Variants in TRIM15 observed in about 807,000 individuals in gnomAD.
TRIM15 encodes tripartite motif containing 15.
TRIM15 carries 35 observed loss-of-function variants against 35.8 expected under a neutral mutation model. The ratio of observed to expected loss-of-function variants is 0.98; its 90% CI spans 0.75 to 1.30. TRIM15 has a LOEUF of 1.30. TRIM15 is among the 50% of genes most tolerant of loss of function. The pLI, the probability that TRIM15 is intolerant of heterozygous loss-of-function variation, is 0.00. For missense variants in TRIM15, 590 were observed against 593.5 expected (o/e 0.99, Z 0.06); for synonymous variants, 252 against 249.8 (o/e 1.01, Z -0.08).
intron 4 of TRIM15, chr6:30,169,532 C>T: frequency 1.5e-6 from 1 of 689,372 alleles, no homozygotes; most frequent in South Asian, 1.5e-5. Flanking sequence ...TAGGTTGATC[C>T]AGGAACATTT....
rs2127458617 is a variant in TRIM15, at chr6:30,168,549, C to T, written c.708+19C>T. On this transcript the variant is annotated intron_variant, in intron 3 of 6. Transcript: ENST00000376694. ...TCTACAAGTGAGAGACACTTCACCA[C>T]TTTGTAGGATAAGAGAGGGACTCCA... The T allele has an allele frequency of 1.3e-6, 2 of 1,562,332 alleles. No homozygotes were observed. Among genetic ancestry groups the T allele is most frequent in the Non-Finnish European group, 8.7e-7 (1 of 1,151,534 alleles).
intron 1 of TRIM15, among the ~76,000 whole-genome samples, chr6:30,164,686 A>G (rs900263302): frequency 6.6e-6 from 1 of 152,150 alleles, no homozygotes; most frequent in Non-Finnish European, 1.5e-5. Flanking sequence ...GGTTCTCCCT[A>G]TCTCTTGCGC....
intron 1 of TRIM15, 61 bp downstream of exon 1, chr6:30,164,126 G>A: frequency 6.5e-7 from 1 of 1,545,200 alleles, no homozygotes; most frequent in Non-Finnish European, 8.7e-7. Context: ...GTTATGAGGG[G>A]AGGAAATCGG....
intron 1 of TRIM15, 134 bp downstream of exon 1, chr6:30,164,199 C>G: frequency 7.7e-7 from 1 of 1,296,648 alleles, no homozygotes; most frequent in Non-Finnish European, 1.0e-6. Context: ...ACTTTCGAGG[C>G]ATTCCCAGAC....
rs1773357625 is a variant in TRIM15 at position 30,163,815 on chromosome 6, C to G, written c.131C>G (p.Ser44Cys). Residue 44 changes from serine (S) to cysteine (C), a missense_variant, in exon 1 of 7, where the codon TCC becomes TGC. By Grantham distance (112) the Ser-to-Cys change is moderately radical. Coordinates refer to ENST00000376694, the MANE Select transcript of TRIM15 (RefSeq NM_033229.3). ...TFCRLCLPAL[S>C]QMGAQSSGKI... ...TGCCGGCTCTGCCTCCCCGCGCTCT[C>G]CCAGATGGGGGCCCAATCCTCGGGC... 6.2e-7 allele frequency: 1 copy of G among 1,612,946 alleles called. No homozygotes were observed. The highest frequency in any genetic ancestry group is 1.7e-5 in the Admixed American group (1 of 60,010).
chr6:30,168,467 G>A lies in TRIM15; in HGVS notation c.645G>A (p.Arg215=). The A allele has an allele frequency of 6.2e-7, 1 of 1,611,448 alleles. No homozygotes were observed. Among genetic ancestry groups the A allele is most frequent in the Non-Finnish European group, 8.5e-7 (1 of 1,179,220 alleles). ...YITKVSEEVT[R]LGAQVKELEE... is the part of the protein sequence containing the mutation. ...CAAAGGTCTCTGAGGAAGTCACCCG[G>A]CTTGGAGCCCAGGTCAAGGAGCTGG... Residue 215 remains arginine, a synonymous_variant, in exon 3 of 7, where the codon CGG becomes CGA. Transcript: ENST00000376694.
chr6:30,168,562 G>A, intron 3 of TRIM15, 32 bp downstream of exon 3: 1 of 1,547,856 alleles, frequency 6.5e-7, no homozygotes, highest in Non-Finnish European at 8.8e-7. Flanking sequence ...TGTAGGATAA[G>A]AGAGGGACTC....
intron 2 of TRIM15, among the ~76,000 whole-genome samples, 172 bp downstream of exon 2, chr6:30,167,443 A>C (rs1389355661): frequency 6.6e-6 from 1 of 152,248 alleles, no homozygotes; most frequent in East Asian, 1.9e-4. Flanking sequence ...GAGCACTAGA[A>C]GTGGTTCTGA....
chr6:30,171,244 A>T (rs41272599), intron 6 of TRIM15: 6,322 of 482,714 alleles, frequency 0.013, 69 homozygotes, highest in Admixed American at 0.028. Flanking sequence ...TGTGAGGACA[A>T]AATAAATTAA....
At chr6:30,168,243 T>A in intron 2 of TRIM15, 57 bp from the exon 3 acceptor site, 1 of 1,462,722 alleles carries the variant, frequency 6.8e-7, no homozygotes, top group Non-Finnish European at 9.4e-7. Context: ...TAGATGATCA[T>A]CCTGGAAGCT....
At position 30,163,912 on chromosome 6, in the gene TRIM15, C is replaced by A. The variant is rs1252502140; in HGVS notation, c.228C>A (p.Gly76=). The stretch of plus-strand genomic sequence containing the variant: ...CTCCCATGGCCCCTGTGCCCCTGGG[C>A]CCGCTGGGAGAAACTTACTGCGAGG... ...AETPMAPVPL[G]PLGETYCEEH... The change falls in exon 1 of 7, where the codon GGC becomes GGA. Residue 76 remains glycine, a synonymous_variant. Transcript: ENST00000376694. 22 of 1,613,076 alleles carry A rather than the reference C, an allele frequency of 1.4e-5. No individual in the cohort carries two copies. Among genetic ancestry groups the A allele is most frequent in the Non-Finnish European group, 1.9e-5 (22 of 1,180,034 alleles).
rs776412651 is a variant in TRIM15 at position 30,167,226 on chromosome 6, T to G, written c.432T>G (p.Ile144Met). The G allele has an allele frequency of 1.9e-6, 3 of 1,613,060 alleles. No homozygotes were observed. In the South Asian group the frequency reaches 3.3e-5, roughly 18 times the overall value. Residue 144 changes from isoleucine (I) to methionine (M), a missense_variant, in exon 2 of 7, where the codon ATT becomes ATG. Ile to Met is a conservative substitution (Grantham distance 10, BLOSUM62 1). Transcript: ENST00000376694. ...LEALSTERDE[I>M]EDVKCQEDQK... is the part of the protein sequence containing the mutation. ...CTCTGAGCACGGAGAGAGATGAGAT[T>G]GAGGATGTAAAGTGTCAAGAAGACC... is the stretch of plus-strand genomic sequence containing the variant.
Position 30,163,554 on chromosome 6 carries a change from T to TCTCTCTCTCTGTCTCTC in TRIM15, c.-131_-130insCTCTCTCTCTGTCTCTC, listed in dbSNP as rs1562136650. On this transcript the variant is annotated 5_prime_UTR_variant, in exon 1 of 7. Coordinates refer to ENST00000376694, the MANE Select transcript of TRIM15 (RefSeq NM_033229.3). ...CTGGCATTCTTGCCTCTCTCTCTCT[T>TCTCTCTCTCTGTCTCTC]TCTCTCTCTCTGTCTCTTAGCCTTG... The TCTCTCTCTCTGTCTCTC allele has an allele frequency of 3.1e-5, 35 of 1,136,714 alleles. No individual in the cohort carries two copies. The highest frequency in any genetic ancestry group is 3.9e-5 in the Non-Finnish European group (33 of 850,312). The allele number at this position is 1,136,714 out of a possible 1,614,324, so 70.4% of individuals were successfully genotyped here.
intron 3 of TRIM15, 145 bp downstream of exon 3, chr6:30,168,675 C>T: frequency 1.3e-6 from 1 of 770,824 alleles, no homozygotes; most frequent in Non-Finnish European, 2.2e-6. Flanking sequence ...TGGAGACTTG[C>T]CCAAGTCATA....
chr6:30,165,994 T>G (rs1255499854), intron 1 of TRIM15, among the ~76,000 whole-genome samples: 1 of 152,236 alleles, frequency 6.6e-6, no homozygotes, highest in East Asian at 1.9e-4. Flanking sequence ...TTGTAGATTT[T>G]GGATATTAGC....
intron 3 of TRIM15, 22 bp from the exon 4 acceptor site, chr6:30,169,219 T>G: frequency 6.2e-7 from 1 of 1,613,210 alleles, no homozygotes; most frequent in Non-Finnish European, 8.5e-7. Context: ...ACTAAATGTA[T>G]GTTCTTGTCT....
At chr6:30,164,110 T>A (rs1310917976) in intron 1 of TRIM15, 45 bp downstream of exon 1, 2 of 1,573,088 alleles carry the variant, frequency 1.3e-6, no homozygotes, top group African/African-American at 1.3e-5. Flanking sequence ...GGCAGGATGA[T>A]GTCCTGTTAT....
At chr6:30,167,815 G>A (rs1357823730) in intron 2 of TRIM15, among the ~76,000 whole-genome samples, 1 of 152,170 alleles carries the variant, frequency 6.6e-6, no homozygotes, top group Non-Finnish European at 1.5e-5. Flanking sequence ...CTTGACCAAG[G>A]AGAGAGTGTG....
rs138173429 is a variant in TRIM15, at chr6:30,163,837, G to A, written c.153G>A (p.Ser51=). ...TCTCCCAGATGGGGGCCCAATCCTC[G>A]GGCAAGATCCTGCTCTGCCCGCTCT... ...PALSQMGAQS[S]GKILLCPLCQ... is the part of the protein sequence containing the mutation. Residue 51 remains serine (S), a synonymous_variant, in exon 1 of 7, where the codon TCG becomes TCA. Coordinates refer to ENST00000376694, the MANE Select transcript of TRIM15 (RefSeq NM_033229.3). The A allele has an allele frequency of 1.3e-5, 21 of 1,612,882 alleles. No homozygotes were observed. The highest frequency in any genetic ancestry group is 1.7e-5 in the Non-Finnish European group (20 of 1,180,024).
Sources: allele counts gnomAD v4.1 joint callset (sites outside exome capture counted in the v4.1 genomes callset), GRCh38; gene constraint gnomAD v4.1.1; transcripts MANE v1.5; gene names NCBI Gene and HGNC (gene_info 2026-07-23, HGNC 2026-07-21).